CEACAM18: variants seen among roughly 807,000 people sequenced by gnomAD.
The protein encoded by CEACAM18 is CEA cell adhesion molecule 18.
A neutral mutation model predicts 34.3 loss-of-function variants in CEACAM18; 33 were observed. The observed-to-expected ratio is 0.96, with a 90% CI of 0.73 to 1.29. CEACAM18 has a LOEUF of 1.29. Ranked by LOEUF, CEACAM18 falls within the 50% of genes most tolerant of loss-of-function variation. The pLI, the probability that CEACAM18 is intolerant of heterozygous loss-of-function variation, is 0.00. For synonymous variants in CEACAM18, 169 were observed against 180.9 expected (o/e 0.93, Z 0.53); for missense variants, 474 against 485.0 (o/e 0.98, Z 0.21).
chr19:51,483,442 T>A, intron 4 of CEACAM18, 146 bp downstream of exon 4: 2 of 997,118 alleles, frequency 2.0e-6, no homozygotes, highest in Non-Finnish European at 3.0e-6. Context: ...TTCTCTGAGG[T>A]CTGGGTCCAA....
At chr19:51,491,029 C>T (rs149144637), downstream of CEACAM18, 31 of 169,090 alleles carry the variant, frequency 1.8e-4, no homozygotes, top group East Asian at 4.9e-3. Context: ...GGGTGCCAAT[C>T]AGTGGTTGTT....
Position 51,480,389 on chromosome 19 carries a change from AC to A in CEACAM18, c.112del (p.Leu38TrpfsTer35), listed in dbSNP as rs1173139219. 2 of 1,612,930 alleles carry A rather than the reference AC, an allele frequency of 1.2e-6. No individual in the cohort carries two copies. Among genetic ancestry groups the A allele is most frequent in the Admixed American group, 1.7e-5 (1 of 59,848 alleles). The stretch of plus-strand genomic sequence containing the variant: ...CTCTGGCCAAATCTTCATCACCCAA[AC>A]CCTGGGGATCAAGGGATATCGGACT... On this transcript the variant is annotated frameshift_variant, in exon 2 of 6. Coordinates refer to ENST00000396477, the Ensembl canonical transcript of CEACAM18. LOFTEE classifies it high-confidence loss of function.
chr19:51,479,019 A>G (rs577256098), intron 1 of CEACAM18, among the ~76,000 whole-genome samples: 2 of 151,760 alleles, frequency 1.3e-5, no homozygotes, highest in African/African-American at 4.8e-5. Context: ...ATCTACGCCC[A>G]GGAATCAGGA....
At chr19:51,480,521 G>A (rs1989893429) in exon 2 of CEACAM18, 1 of 1,613,878 alleles carries the variant, frequency 6.2e-7, no homozygotes, top group African/African-American at 1.3e-5. Flanking sequence ...ACCGCCCAGT[G>A]CCCAGCAGCC....
At position 51,483,312 on chromosome 19, in the gene CEACAM18, T is replaced by G. The variant is rs765217606; in HGVS notation, c.953+16T>G. The G allele has an allele frequency of 6.2e-7, 1 of 1,613,384 alleles. No homozygotes were observed. The highest frequency in any genetic ancestry group is 8.5e-7 in the Non-Finnish European group (1 of 1,179,836). The stretch of plus-strand genomic sequence containing the variant: ...CCCCCCATGAGTGCAGCAGCTCCCC[T>G]CCAGGCTCATGCTTTGCACATCTCC... On this transcript the variant is annotated intron_variant, in intron 4 of 5. Transcript: ENST00000396477.
At chr19:51,485,456 C>T (rs561124865) in intron 5 of CEACAM18, among the ~76,000 whole-genome samples, 4 of 152,310 alleles carry the variant, frequency 2.6e-5, no homozygotes, top group South Asian at 4.1e-4. Flanking sequence ...ACATAGTCAT[C>T]CTTTGCTACC....
At chr19:51,480,832 T>C (rs570692393) in intron 2 of CEACAM18, among the ~76,000 whole-genome samples, 152 bp downstream of exon 2, 31 of 152,194 alleles carry the variant, frequency 2.0e-4, no homozygotes, top group African/African-American at 6.7e-4. Context: ...CTGGGGGATC[T>C]GAGGGCTAGT....
In CEACAM18 at chr19:51,487,591, C is replaced by A. The variant is rs113536175; in HGVS notation, c.1089+2469C>A. 3.2e-3 allele frequency among the ~76,000 whole-genome samples: 480 copies of A among 152,220 alleles called. 5 individuals are homozygous for A. The highest frequency in any genetic ancestry group is 0.011 in the African/African-American group (449 of 41,516). On this transcript the variant is annotated intron_variant, in intron 5 of 5. Transcript: ENST00000396477. ...ACCAGCCTGGCCAACATAGTGAAAT[C>A]CCGTCTCTACTAAAAATACAAAAAA...
intron 2 of CEACAM18, among the ~76,000 whole-genome samples, chr19:51,481,158 G>A (rs1302041604): frequency 1.3e-5 from 2 of 152,188 alleles, no homozygotes; most frequent in Admixed American, 6.5e-5. Context: ...TATGCCAAGA[G>A]CTCACCATTA....
intron 4 of CEACAM18, among the ~76,000 whole-genome samples, chr19:51,483,833 G>A (rs1213393792): frequency 1.3e-5 from 2 of 152,214 alleles, no homozygotes; most frequent in Non-Finnish European, 2.9e-5. Flanking sequence ...CATGGCCATG[G>A]CGTCAGAAAC....
At chr19:51,485,599 TCTC>T (rs1416045868) in intron 5 of CEACAM18, among the ~76,000 whole-genome samples, 2 of 152,068 alleles carry the variant, frequency 1.3e-5, no homozygotes, top group Non-Finnish European at 2.9e-5. Context: ...GTAGGTCACT[TCTC>T]CTCATAGCTC....
intron 5 of CEACAM18, among the ~76,000 whole-genome samples, chr19:51,486,151 T>C (rs908251759): frequency 6.6e-6 from 1 of 152,048 alleles, no homozygotes; most frequent in Non-Finnish European, 1.5e-5. Flanking sequence ...ATAGTGGTGA[T>C]GATGATGATG....
intron 5 of CEACAM18, among the ~76,000 whole-genome samples, chr19:51,485,902 G>A (rs1445833087): frequency 6.6e-6 from 1 of 152,196 alleles, no homozygotes; most frequent in Non-Finnish European, 1.5e-5. Flanking sequence ...AACCAAAAAT[G>A]TCTCTAGACA....
Position 51,480,784 on chromosome 19 carries a change from CG to C in CEACAM18, c.400+106del, listed in dbSNP as rs1989901590. ...AGCATGACACCGGGAGTGGAAATCA[CG>C]GAGCCGCCCTGGAATCTTGTGTACC... On this transcript the variant is annotated intron_variant, in intron 2 of 5. Coordinates refer to ENST00000396477, the Ensembl canonical transcript of CEACAM18. The C allele has an allele frequency of 2.8e-6, 3 of 1,062,982 alleles. No individual in the cohort carries two copies. In the Admixed American group the frequency reaches 7.9e-5, roughly 28 times the overall value. The allele number at this position is 1,062,982 out of a possible 1,614,324, so 65.8% of individuals were successfully genotyped here.
chr19:51,486,641 T>G (rs1990005717), intron 5 of CEACAM18, among the ~76,000 whole-genome samples: 1 of 152,148 alleles, frequency 6.6e-6, no homozygotes, highest in African/African-American at 2.4e-5. Context: ...CTCTCACATA[T>G]GCCTAGGTGT....
At position 51,479,313 on chromosome 19, in the gene CEACAM18, A is replaced by T. The variant is rs573069503; in HGVS notation, c.52+619A>T. Among the ~76,000 whole-genome samples, 3 of 152,300 alleles carry T rather than the reference A, an allele frequency of 2.0e-5. No homozygotes were observed. The East Asian group carries it at 5.8e-4, about 29-fold the overall frequency. On this transcript the variant is annotated intron_variant, in intron 1 of 5. Coordinates refer to ENST00000396477, the Ensembl canonical transcript of CEACAM18. ...TTCACAGGGCAGTGGACAACTGCCC[A>T]TGTCATATGTGGTAACAGGCTGCCG...
intron 4 of CEACAM18, among the ~76,000 whole-genome samples, chr19:51,484,536 G>A (rs528050126): frequency 6.6e-6 from 1 of 152,264 alleles, no homozygotes; most frequent in Admixed American, 6.5e-5. Flanking sequence ...TGCCCAGGCT[G>A]GTCTTGAACT....
In CEACAM18 at chr19:51,489,091, T is replaced by C. The variant is rs118154477; in HGVS notation, c.1090-1496T>C. Among the ~76,000 whole-genome samples, 240 of 150,896 alleles carry C rather than the reference T, an allele frequency of 1.6e-3. 2 individuals are homozygous for C. Among genetic ancestry groups the C allele is most frequent in the Non-Finnish European group, 2.8e-3 (188 of 67,596 alleles). On this transcript the variant is annotated intron_variant, in intron 5 of 5. Coordinates refer to ENST00000396477, the Ensembl canonical transcript of CEACAM18. ...GTTTCCAGGGGTTTCTATCCTTGTG[T>C]TCAAAGTCATTGATGGAGACTGAAT...
intron 4 of CEACAM18, among the ~76,000 whole-genome samples, chr19:51,483,792 C>A (rs570262567): frequency 6.6e-6 from 1 of 152,198 alleles, no homozygotes; most frequent in Non-Finnish European, 1.5e-5. Flanking sequence ...GACGCAGGGA[C>A]GGGATGGGTG....
Sources: gnomAD v4.1 joint callset for allele counts (sites outside exome capture counted in the v4.1 genomes callset) on GRCh38, gnomAD v4.1.1 for gene constraint, MANE v1.5 for transcripts, NCBI Gene and HGNC (gene_info 2026-07-23, HGNC 2026-07-21) for gene names.